ARMC9: variants seen among roughly 807,000 people sequenced by gnomAD.
The protein encoded by ARMC9 is lisH domain-containing protein ARMC9.
A neutral mutation model predicts 107.0 loss-of-function variants in ARMC9; 94 were observed. The ratio of observed to expected loss-of-function variants is 0.88; its 90% confidence interval spans 0.74 to 1.04. The LOEUF (loss-of-function observed/expected upper bound fraction) is 1.04, where lower values mean the gene tolerates loss of function less well. ARMC9 is among the 50% of genes least tolerant of loss of function. ARMC9 has a pLI of 0.00. For synonymous variants in ARMC9, 380 were observed against 396.9 expected (o/e 0.96, Z 0.51); for missense variants, 942 against 1,030.1 (o/e 0.91, Z 1.17).
At chr2:231,214,693 A>G (rs1323018774) in intron 3 of ARMC9, 138 bp from the exon 4 acceptor site, 1 of 902,966 alleles carries the variant, frequency 1.1e-6, no homozygotes, top group East Asian at 2.6e-5. Flanking sequence ...CAGGAGCTTG[A>G]ATCCTGTGGG....
At chr2:231,230,850 T>A (rs889505476) in intron 7 of ARMC9, among the ~76,000 whole-genome samples, 5 of 152,200 alleles carry the variant, frequency 3.3e-5, no homozygotes, top group Admixed American at 3.3e-4. Flanking sequence ...TCAGTACAGG[T>A]GCTTCTTTTC....
chr2:231,326,518 G>A (rs764967339), intron 19 of ARMC9, among the ~76,000 whole-genome samples: 26 of 152,296 alleles, frequency 1.7e-4, no homozygotes, highest in African/African-American at 5.8e-4. Flanking sequence ...CCTGTCTTTG[G>A]GGACAGCCTA....
chr2:231,288,747 C>T (rs187664622), intron 17 of ARMC9: 9 of 470,986 alleles, frequency 1.9e-5, no homozygotes, highest in East Asian at 1.4e-4. Context: ...CAGGGCCACA[C>T]GGCCGGCGAG....
rs2045543776 is a variant in ARMC9, at chr2:231,360,836, C to T, written c.2214C>T (p.Arg738=). The T allele has an allele frequency of 1.2e-5, 18 of 1,535,748 alleles. No homozygotes were observed. Among genetic ancestry groups the T allele is most frequent in the Non-Finnish European group, 1.6e-5 (18 of 1,146,790 alleles). ...GCCCAGCCCCCACGGGGACCCCCCG[C>T]CAGCCAAGGGAGGCGCCCCAGGACC... ...EPRPAPTGTP[R]QPREAPQDPG... is the part of the protein sequence containing the mutation. Residue 738 remains arginine, a synonymous_variant, in exon 23 of 25, where the codon CGC becomes CGT. Coordinates refer to ENST00000611582, the MANE Select transcript of ARMC9 (RefSeq NM_001352754.2). This position sits in a 1 kb window ranked among gnomAD's most constrained non-coding sequence, Gnocchi z 4.7.
intron 21 of ARMC9, among the ~76,000 whole-genome samples, chr2:231,351,312 G>T (rs1239364413): frequency 6.6e-6 from 1 of 151,844 alleles, no homozygotes; most frequent in Non-Finnish European, 1.5e-5. Context: ...GGGAATCCCA[G>T]CAGAGAGAAC....
chr2:231,313,575 A>G (rs1383057875), intron 19 of ARMC9, among the ~76,000 whole-genome samples: 1 of 152,096 alleles, frequency 6.6e-6, no homozygotes, highest in Non-Finnish European at 1.5e-5. Flanking sequence ...CATCCCCACA[A>G]TTCAATTTTA....
intron 21 of ARMC9, among the ~76,000 whole-genome samples, chr2:231,350,535 T>C (rs553392336): frequency 6.6e-6 from 1 of 151,016 alleles, no homozygotes; most frequent in Non-Finnish European, 1.5e-5. Context: ...GGCAGGAGCA[T>C]TGCTTCAGTC....
intron 20 of ARMC9, among the ~76,000 whole-genome samples, chr2:231,341,097 C>T (rs6729647): frequency 0.099 from 15,021 of 152,032 alleles, 2,453 homozygotes; most frequent in African/African-American, 0.34. Flanking sequence ...GAGGCTGAGA[C>T]GGGAGGATCA....
intron 18 of ARMC9, among the ~76,000 whole-genome samples, chr2:231,292,298 A>G (rs189176210): frequency 1.3e-3 from 205 of 152,196 alleles, no homozygotes; most frequent in Admixed American, 3.2e-3. Context: ...ACCCTCCCCT[A>G]ACCTTGTAAG....
chr2:231,241,438 C>T (rs191141345), intron 9 of ARMC9, among the ~76,000 whole-genome samples: 58 of 152,146 alleles, frequency 3.8e-4, no homozygotes, highest in African/African-American at 1.3e-3. Flanking sequence ...GGAGCTCACA[C>T]CAACCTGCTG....
At chr2:231,363,883 CAAAAAAAAAAAA>C (rs1176736980) in intron 23 of ARMC9, among the ~76,000 whole-genome samples, 182 of 16,282 alleles carry the variant, frequency 0.011, 2 homozygotes, top group Non-Finnish European at 0.017. Flanking sequence ...GACTCCGTCT[CAAAAAAAAAAAA>C]AAAAAAAAAA....
chr2:231,217,904 G>A lies in ARMC9; in HGVS notation c.504+1111G>A, dbSNP rs895759810. On this transcript the variant is annotated intron_variant, in intron 5 of 24. Coordinates refer to ENST00000611582, the MANE Select transcript of ARMC9 (RefSeq NM_001352754.2). The stretch of plus-strand genomic sequence containing the variant: ...GATGGGGTTTCACCATGTTGGCCAG[G>A]CTGGTCTTGAACTCCTGACCTCAGG... Among the ~76,000 whole-genome samples, 4 of 152,132 alleles carry A rather than the reference G, an allele frequency of 2.6e-5. No homozygotes were observed. In the East Asian group the frequency reaches 7.7e-4, roughly 29 times the overall value.
chr2:231,223,789 A>ACAGCTCTCAC (rs2034381645), intron 6 of ARMC9, among the ~76,000 whole-genome samples: 1 of 152,186 alleles, frequency 6.6e-6, no homozygotes. Flanking sequence ...GGACTGATCT[A>ACAGCTCTCAC]CAGCTCTCGT....
At chr2:231,352,465 A>T (rs182830962) in intron 21 of ARMC9, among the ~76,000 whole-genome samples, 2,177 of 150,858 alleles carry the variant, frequency 0.014, 56 homozygotes, top group African/African-American at 0.051. Context: ...ACGCCCAGCT[A>T]ATTTTATTTT....
intron 23 of ARMC9, among the ~76,000 whole-genome samples, 182 bp from the exon 24 acceptor site, chr2:231,369,771 T>G (rs1255829056): frequency 6.6e-6 from 1 of 152,034 alleles, no homozygotes; most frequent in Non-Finnish European, 1.5e-5. Flanking sequence ...TTTTTGAATT[T>G]TTAGTAGTGA....
intron 11 of ARMC9, among the ~76,000 whole-genome samples, chr2:231,262,099 G>A (rs2038415818): frequency 6.6e-6 from 1 of 152,120 alleles, no homozygotes; most frequent in South Asian, 2.1e-4. Flanking sequence ...TGGGATTACA[G>A]GTGTGAGCCA....
At chr2:231,227,264 G>A (rs895604735) in intron 7 of ARMC9, among the ~76,000 whole-genome samples, 1 of 152,168 alleles carries the variant, frequency 6.6e-6, no homozygotes, top group Non-Finnish European at 1.5e-5. Flanking sequence ...TCAGTTTGTA[G>A]CATGAAGTGT....
At chr2:231,270,762 A>C (rs1194647538) in intron 12 of ARMC9, 2 of 669,422 alleles carry the variant, frequency 3.0e-6, no homozygotes, top group Non-Finnish European at 5.6e-6. Context: ...TCGTGTAATT[A>C]ATTCATTTAA....
intron 19 of ARMC9, among the ~76,000 whole-genome samples, chr2:231,303,018 AT>A (rs2041850504): frequency 6.6e-6 from 1 of 152,228 alleles, no homozygotes; most frequent in Middle Eastern, 3.2e-3. Context: ...AAATAAATAA[AT>A]AAGTAAATAG....
Sources: allele counts gnomAD v4.1 joint callset (sites outside exome capture counted in the v4.1 genomes callset), GRCh38; gene constraint gnomAD v4.1.1; non-coding constraint Gnocchi (gnomAD v3.1); transcripts MANE v1.5; gene names NCBI Gene and HGNC (gene_info 2026-07-23, HGNC 2026-07-21).